LDAH: variants seen among roughly 807,000 people sequenced by gnomAD.
LDAH encodes lipid droplet associated hydrolase.
In LDAH, 26 loss-of-function variants were observed where a neutral mutation model predicts 29.6. The ratio of observed to expected loss-of-function variants is 0.88; its 90% confidence interval spans 0.64 to 1.22. LDAH has a LOEUF of 1.22. Among genes scored for constraint, LDAH ranks in the 50% most tolerant of loss-of-function variants. The pLI, the probability that LDAH is intolerant of heterozygous loss-of-function variation, is 0.00. For synonymous variants in LDAH, 117 were observed against 133.0 expected, an observed-to-expected ratio of 0.88 and a Z score of 0.83; for missense variants, 344 against 387.3, an observed-to-expected ratio of 0.89 and a Z score of 0.94.
In LDAH at chr2:20,684,697, C is replaced by T. The variant is rs961726013; in HGVS notation, c.*2206G>A. The T allele has an allele frequency of 4.5e-5, 26 of 575,596 alleles. No individual in the cohort carries two copies. The highest frequency in any genetic ancestry group is 6.9e-5 in the Non-Finnish European group (24 of 347,004). The allele number at this position is 575,596 out of a possible 1,614,324, so 35.7% of individuals were successfully genotyped here. On this transcript the variant is annotated 3_prime_UTR_variant, in exon 7 of 7. Transcript: ENST00000237822. ...AGAGGGCTTGTGGAGATGCTTATGG[C>T]TGGGAACAGACTAGGAACAAACACG... is the stretch of plus-strand genomic sequence containing the variant.
rs117019906 is a variant in LDAH at position 20,704,814 on chromosome 2, C to T, written c.704-3162G>A. ...TTGATTTTCTTTTCTCATGAGTAGA[C>T]AATGAAAATTCTTTCTTCAAAAATG... On this transcript the variant is annotated intron_variant, in intron 5 of 6. Transcript: ENST00000237822. Among the ~76,000 whole-genome samples, 73 of 152,316 alleles carry T rather than the reference C, an allele frequency of 4.8e-4. No homozygotes were observed. In the East Asian group the frequency reaches 9.2e-3, roughly 19 times the overall value.
chr2:20,683,606 G>A (rs563651749), downstream of LDAH, among the ~76,000 whole-genome samples: 15 of 152,338 alleles, frequency 9.8e-5, no homozygotes, highest in Admixed American at 6.5e-4. Flanking sequence ...CCAGAAAGCT[G>A]AGCCAGGTGA....
chr2:20,732,861 T>G (rs1345645092), intron 5 of LDAH, among the ~76,000 whole-genome samples: 1 of 151,734 alleles, frequency 6.6e-6, no homozygotes, highest in Non-Finnish European at 1.5e-5. Flanking sequence ...TTTTCTCTAT[T>G]GTTTTTGTTT....
At chr2:20,715,615 T>C (rs1665118382) in intron 5 of LDAH, among the ~76,000 whole-genome samples, 1 of 152,206 alleles carries the variant, frequency 6.6e-6, no homozygotes, top group Non-Finnish European at 1.5e-5. Flanking sequence ...ATGACATGAT[T>C]GTATATTTAG....
intron 1 of LDAH, among the ~76,000 whole-genome samples, chr2:20,818,936 A>C (rs1281012392): frequency 1.3e-5 from 2 of 152,084 alleles, no homozygotes; most frequent in Admixed American, 1.3e-4. Context: ...TCTTCTTTTA[A>C]TGACTTTTAC....
chr2:20,750,952 A>G (rs575637376), intron 4 of LDAH, among the ~76,000 whole-genome samples: 15 of 152,256 alleles, frequency 9.9e-5, no homozygotes, highest in Non-Finnish European at 1.6e-4. Context: ...AAGGAAGTTA[A>G]ACATTGAGCA....
chr2:20,694,234 C>G (rs1484731782), intron 6 of LDAH, among the ~76,000 whole-genome samples: 1 of 152,214 alleles, frequency 6.6e-6, no homozygotes, highest in African/African-American at 2.4e-5. Flanking sequence ...CTGTTAGGTC[C>G]TCCAATGCAT....
rs945923066 is a variant in LDAH, at chr2:20,691,851, G to T, written c.787-4757C>A. On this transcript the variant is annotated intron_variant, in intron 6 of 6. Coordinates refer to ENST00000237822, the MANE Select transcript of LDAH (RefSeq NM_021925.4). The stretch of plus-strand genomic sequence containing the variant: ...TTTGGCTTTTCCTCCTGTGTTTTCT[G>T]CAGGAAAGTGGATTTATGGTTACTA... 6.0e-4 allele frequency among the ~76,000 whole-genome samples: 91 copies of T among 152,190 alleles called. 1 individual carries two copies. Among genetic ancestry groups the T allele is most frequent in the African/African-American group, 1.7e-3 (72 of 41,508 alleles).
intron 5 of LDAH, among the ~76,000 whole-genome samples, chr2:20,703,391 A>T (rs758100888): frequency 2.0e-5 from 3 of 152,146 alleles, no homozygotes; most frequent in Non-Finnish European, 4.4e-5. Context: ...TAACTTATTG[A>T]TTACCCTTGC....
intron 4 of LDAH, among the ~76,000 whole-genome samples, chr2:20,753,844 C>A (rs115087632): frequency 0.032 from 4,810 of 152,228 alleles, 243 homozygotes; most frequent in African/African-American, 0.11. Context: ...AACAGGAGCC[C>A]GACTTAAGTG....
chr2:20,807,887 G>C (rs1558498584), intron 1 of LDAH, among the ~76,000 whole-genome samples: 2 of 150,552 alleles, frequency 1.3e-5, no homozygotes, highest in Admixed American at 6.6e-5. Flanking sequence ...AGATTGGATA[G>C]GAAGAAAGTG....
At chr2:20,750,375 G>C (rs772969601) in intron 4 of LDAH, among the ~76,000 whole-genome samples, 1 of 152,174 alleles carries the variant, frequency 6.6e-6, no homozygotes, top group African/African-American at 2.4e-5. Flanking sequence ...TCAGAGAAAG[G>C]ACAACAGACT....
At chr2:20,708,473 GTAAGCTATCCA>G (rs1664470504) in intron 5 of LDAH, among the ~76,000 whole-genome samples, 1 of 152,178 alleles carries the variant, frequency 6.6e-6, no homozygotes, top group Non-Finnish European at 1.5e-5. Context: ...AATTCAGAAT[GTAAGCTATCCA>G]ATAAAAAATT....
Position 20,684,971 on chromosome 2 carries a change from A to G in LDAH, c.*1932T>C. ...GGTGGCTTTTCACTTTAAAAGAGAGACTTTGAGCCGAGTCTAACTCAGGAG... is the reference window on the plus strand; with the variant it reads ...GGTGGCTTTTCACTTTAAAAGAGAGGCTTTGAGCCGAGTCTAACTCAGGAG... On this transcript the variant is annotated 3_prime_UTR_variant, in exon 7 of 7. Transcript: ENST00000237822. 1 of 1,547,204 alleles carries G rather than the reference A, an allele frequency of 6.5e-7. No homozygotes were observed. The highest frequency in any genetic ancestry group is 8.7e-7 in the Non-Finnish European group (1 of 1,145,544).
intron 5 of LDAH, among the ~76,000 whole-genome samples, chr2:20,710,585 G>GTTGT (rs1553336526): frequency 8.6e-6 from 1 of 115,952 alleles, no homozygotes; most frequent in East Asian, 2.8e-4. Flanking sequence ...TATATATAGG[G>GTTGT]GTGTGTGTGT....
At chr2:20,717,778 A>AGTGT (rs571168143) in intron 5 of LDAH, among the ~76,000 whole-genome samples, 5 of 151,652 alleles carry the variant, frequency 3.3e-5, no homozygotes, top group African/African-American at 9.7e-5. Context: ...GGTTGCTATC[A>AGTGT]GTGTGTGTGT....
At chr2:20,748,429 T>TA (rs1274851461) in intron 4 of LDAH, among the ~76,000 whole-genome samples, 8 of 152,252 alleles carry the variant, frequency 5.3e-5, no homozygotes, top group Admixed American at 3.9e-4. Flanking sequence ...TATCTTCCTA[T>TA]AGCCCATTCT....
chr2:20,790,578 C>G (rs1027507932), intron 2 of LDAH, among the ~76,000 whole-genome samples, 180 bp from the exon 3 acceptor site: 1 of 152,156 alleles, frequency 6.6e-6, no homozygotes, highest in Non-Finnish European at 1.5e-5. Flanking sequence ...TTTAAACACC[C>G]TTCAGTGTCT....
chr2:20,702,514 G>A (rs1483697830), intron 5 of LDAH, among the ~76,000 whole-genome samples: 2 of 152,092 alleles, frequency 1.3e-5, no homozygotes, highest in African/African-American at 2.4e-5. Flanking sequence ...TTGGTCTGAC[G>A]CCAGTCATCT....
Sources: gnomAD v4.1 joint callset for allele counts (sites outside exome capture counted in the v4.1 genomes callset) on GRCh38, gnomAD v4.1.1 for gene constraint, MANE v1.5 for transcripts, NCBI Gene and HGNC (gene_info 2026-07-23, HGNC 2026-07-21) for gene names.